Variants in ABI3BP observed in about 807,000 individuals in gnomAD.
The protein encoded by ABI3BP is ABI family member 3 binding protein.
In ABI3BP, 216 loss-of-function variants were observed where a neutral mutation model predicts 268.6. The observed-to-expected ratio is 0.80, with a 90% CI of 0.72 to 0.90. The LOEUF (loss-of-function observed/expected upper bound fraction) is 0.90, where lower values mean the gene tolerates loss of function less well. ABI3BP is among the 40% of genes least tolerant of loss of function. ABI3BP has a pLI of 0.00. For synonymous variants in ABI3BP, 730 were observed against 730.0 expected (o/e 1.00, Z 0.00); for missense variants, 2,090 against 2,182.4 (o/e 0.96, Z 0.84).
At position 100,886,967 on chromosome 3, in the gene ABI3BP, A is replaced by G. The variant is rs550829906; in HGVS notation, c.462-644T>C. ...CATATATACATAAATATACACATAT[A>G]TATGTGTAAAATAATCCTTATCACT... On this transcript the variant is annotated intron_variant, in intron 4 of 67. Transcript: ENST00000471714. Among the ~76,000 whole-genome samples, 11 of 152,192 alleles carry G rather than the reference A, an allele frequency of 7.2e-5. No individual in the cohort carries two copies. The South Asian group carries it at 2.3e-3, about 32-fold the overall frequency.
At chr3:100,950,392 T>C (rs1319653058) in intron 1 of ABI3BP, among the ~76,000 whole-genome samples, 3 of 152,188 alleles carry the variant, frequency 2.0e-5, no homozygotes, top group Admixed American at 6.5e-5. Context: ...AAGTTATTAC[T>C]CAATGCACTC....
At chr3:100,985,342 G>C (rs1307979504) in intron 1 of ABI3BP, among the ~76,000 whole-genome samples, 2 of 151,514 alleles carry the variant, frequency 1.3e-5, no homozygotes, top group East Asian at 1.9e-4. Context: ...GTAGAGACAG[G>C]GTTTCACCAT....
At chr3:100,987,852 T>C (rs537229236) in intron 1 of ABI3BP, among the ~76,000 whole-genome samples, 2 of 152,350 alleles carry the variant, frequency 1.3e-5, no homozygotes, top group East Asian at 1.9e-4. Flanking sequence ...ATTATTAGTA[T>C]ACTTTTAAGA....
Position 100,841,989 on chromosome 3 carries a change from C to A in ABI3BP, c.1765+9G>T, listed in dbSNP as rs1252144515. On this transcript the variant is annotated intron_variant, in intron 21 of 67. Transcript: ENST00000471714. Reference sequence around the variant, plus strand: ...CTTTGTTTTCACTCATTAAAAAAAGCTTTATTACCTATTGTTGACTGTGAT... The same window carrying A: ...CTTTGTTTTCACTCATTAAAAAAAGATTTATTACCTATTGTTGACTGTGAT... 2 of 1,528,262 alleles carry A rather than the reference C, an allele frequency of 1.3e-6. No homozygotes were observed. The highest frequency in any genetic ancestry group is 3.9e-5 in the Admixed American group (2 of 50,894). 94.7% of individuals were successfully genotyped at this position (1,528,262 alleles called of 1,614,324 possible).
At chr3:100,919,834 A>G (rs2059717694) in intron 2 of ABI3BP, among the ~76,000 whole-genome samples, 2 of 152,156 alleles carry the variant, frequency 1.3e-5, no homozygotes, top group Non-Finnish European at 2.9e-5. Flanking sequence ...CCAGGTATAT[A>G]TTTTTGAGGG....
intron 3 of ABI3BP, among the ~76,000 whole-genome samples, chr3:100,900,193 T>G (rs192187928): frequency 4.9e-4 from 74 of 152,358 alleles, no homozygotes; most frequent in African/African-American, 1.6e-3. Flanking sequence ...CAGACCCAGC[T>G]GTAATTGTGC....
In ABI3BP at chr3:100,926,290, C is replaced by T. The variant is rs771572107; in HGVS notation, c.259+12G>A. On this transcript the variant is annotated intron_variant, in intron 2 of 67. Coordinates refer to ENST00000471714, the MANE Select transcript of ABI3BP (RefSeq NM_001375547.2). ...CTCCTTTCCTTCCCAGCCCGATACC[C>T]AAACACCTTACCAACTATAGCTTCT... 7.4e-6 allele frequency: 12 copies of T among 1,612,768 alleles called. No homozygotes were observed. Among genetic ancestry groups the T allele is most frequent in the Non-Finnish European group, 9.3e-6 (11 of 1,179,134 alleles).
chr3:100,790,938 C>A (rs1049592819), intron 55 of ABI3BP, among the ~76,000 whole-genome samples: 1 of 151,852 alleles, frequency 6.6e-6, no homozygotes, highest in African/African-American at 2.4e-5. Flanking sequence ...GCCATGGCAT[C>A]TGAATTTTTG....
intron 27 of ABI3BP, among the ~76,000 whole-genome samples, chr3:100,836,404 T>C (rs530536896): frequency 6.6e-6 from 1 of 152,264 alleles, no homozygotes; most frequent in South Asian, 2.1e-4. Flanking sequence ...CATTCAAACA[T>C]CTCATCCTCA....
At chr3:100,825,427 T>C (rs2152727450) in intron 35 of ABI3BP, among the ~76,000 whole-genome samples, 1 of 152,206 alleles carries the variant, frequency 6.6e-6, no homozygotes, top group Non-Finnish European at 1.5e-5. Context: ...AAAGTAAGAA[T>C]AGCCGTTATT....
At chr3:100,917,947 G>T (rs2059128458) in intron 2 of ABI3BP, among the ~76,000 whole-genome samples, 1 of 152,046 alleles carries the variant, frequency 6.6e-6, no homozygotes, top group African/African-American at 2.4e-5. Context: ...TTAAGAGATG[G>T]TGTACATTTA....
intron 50 of ABI3BP, among the ~76,000 whole-genome samples, chr3:100,805,107 C>T (rs1351980644): frequency 6.6e-6 from 1 of 152,028 alleles, no homozygotes; most frequent in African/African-American, 2.4e-5. Context: ...TACAAAGCGT[C>T]AGAGTAAGAT....
intron 9 of ABI3BP, among the ~76,000 whole-genome samples, chr3:100,872,863 T>C (rs1244175582): frequency 6.6e-6 from 1 of 152,154 alleles, no homozygotes; most frequent in Admixed American, 6.5e-5. Context: ...TTCTGGGAAG[T>C]AACTAACTCT....
At chr3:100,950,713 A>G (rs1375984077) in intron 1 of ABI3BP, among the ~76,000 whole-genome samples, 2 of 151,992 alleles carry the variant, frequency 1.3e-5, no homozygotes, top group Non-Finnish European at 2.9e-5. Flanking sequence ...AATTAATATA[A>G]GATTACAAAT....
chr3:100,840,570 C>T (rs2098678516), intron 22 of ABI3BP, among the ~76,000 whole-genome samples: 2 of 152,098 alleles, frequency 1.3e-5, no homozygotes, highest in African/African-American at 4.8e-5. Flanking sequence ...TTTAAAATAT[C>T]CACAAATCAA....
chr3:100,880,241 T>C (rs1581695839), intron 6 of ABI3BP, among the ~76,000 whole-genome samples: 1 of 152,154 alleles, frequency 6.6e-6, no homozygotes, highest in African/African-American at 2.4e-5. Flanking sequence ...TTTTGGCTGG[T>C]GTGGCCTCAG....
chr3:100,871,925 C>A (rs1325663739), intron 9 of ABI3BP, among the ~76,000 whole-genome samples: 1 of 152,230 alleles, frequency 6.6e-6, no homozygotes, highest in Admixed American at 6.5e-5. Flanking sequence ...AAACCTCAAA[C>A]TCATGGGTTT....
At chr3:100,877,463 A>G (rs931420992) in intron 6 of ABI3BP, among the ~76,000 whole-genome samples, 2 of 152,246 alleles carry the variant, frequency 1.3e-5, no homozygotes, top group African/African-American at 2.4e-5. Context: ...CCTCAGAATC[A>G]GAAGGACATA....
chr3:100,881,848 G>A (rs1186472666), intron 6 of ABI3BP, among the ~76,000 whole-genome samples: 1 of 152,074 alleles, frequency 6.6e-6, no homozygotes, highest in Non-Finnish European at 1.5e-5. Context: ...TTAACAATTG[G>A]TAGAACAAAG....
Sources: allele counts gnomAD v4.1 joint callset (sites outside exome capture counted in the v4.1 genomes callset), GRCh38; gene constraint gnomAD v4.1.1; transcripts MANE v1.5; gene names NCBI Gene and HGNC (gene_info 2026-07-23, HGNC 2026-07-21).